Variants in SELENOF observed in about 807,000 individuals in gnomAD.
SELENOF encodes the protein selenoprotein F.
SELENOF carries 16 observed loss-of-function variants against 20.5 expected under a neutral mutation model. The observed-to-expected ratio is 0.78, with a 90% CI of 0.53 to 1.19. The LOEUF (loss-of-function observed/expected upper bound fraction) is 1.19, where lower values mean the gene tolerates loss of function less well. Among genes scored for constraint, SELENOF ranks in the 50% most tolerant of loss-of-function variants. SELENOF has a pLI of 0.00. For synonymous variants in SELENOF, 78 were observed against 74.5 expected (o/e 1.05, Z -0.24); for missense variants, 215 against 194.2 (o/e 1.11, Z -0.64).
chr1:86,868,238 C>A, intron 3 of SELENOF, 136 bp from the exon 4 acceptor site: 1 of 422,244 alleles, frequency 2.4e-6, no homozygotes, highest in Admixed American at 4.3e-5. Context: ...ATTTAAACAT[C>A]TGTGGATAAA....
At chr1:86,890,341 G>A (rs892982784) in intron 2 of SELENOF, among the ~76,000 whole-genome samples, 1 of 152,032 alleles carries the variant, frequency 6.6e-6, no homozygotes, top group Non-Finnish European at 1.5e-5. Context: ...AGCTTTCATT[G>A]CATACATGTA....
chr1:86,908,597 C>T (rs567598488), intron 1 of SELENOF, among the ~76,000 whole-genome samples: 5 of 152,266 alleles, frequency 3.3e-5, no homozygotes, highest in Non-Finnish European at 7.4e-5. Context: ...ACACCATTAT[C>T]GTATGTACCA....
chr1:86,906,539 A>G (rs930298392), intron 1 of SELENOF, among the ~76,000 whole-genome samples: 3 of 152,224 alleles, frequency 2.0e-5, no homozygotes, highest in Non-Finnish European at 2.9e-5. Flanking sequence ...GTCGTAAAAG[A>G]GCAAACAGCC....
chr1:86,880,377 A>G (rs1412556987), intron 3 of SELENOF, among the ~76,000 whole-genome samples: 1 of 151,896 alleles, frequency 6.6e-6, no homozygotes, highest in Non-Finnish European at 1.5e-5. Context: ...CTCGTGATCC[A>G]CCCACCTTGG....
At chr1:86,870,893 A>G (rs1369458311) in intron 3 of SELENOF, among the ~76,000 whole-genome samples, 3 of 152,144 alleles carry the variant, frequency 2.0e-5, no homozygotes, top group Non-Finnish European at 4.4e-5. Flanking sequence ...TGCTGGGATT[A>G]CAGGCGTGAG....
chr1:86,890,118 C>T (rs1256784802), intron 2 of SELENOF, among the ~76,000 whole-genome samples: 2 of 152,168 alleles, frequency 1.3e-5, no homozygotes, highest in Non-Finnish European at 2.9e-5. Context: ...CCCCTGCTTA[C>T]CTAATCATCA....
chr1:86,900,512 G>T (rs1211016447), intron 2 of SELENOF, among the ~76,000 whole-genome samples: 1 of 152,206 alleles, frequency 6.6e-6, no homozygotes, highest in Non-Finnish European at 1.5e-5. Context: ...CAGGCAGGGA[G>T]GTTGCAGTGA....
chr1:86,893,077 C>T (rs903798762), intron 2 of SELENOF, among the ~76,000 whole-genome samples: 23 of 152,108 alleles, frequency 1.5e-4, no homozygotes, highest in Admixed American at 4.6e-4. Flanking sequence ...GGCATCTAAT[C>T]GCCAGTTAAC....
At chr1:86,892,244 A>C (rs1422718763) in intron 2 of SELENOF, among the ~76,000 whole-genome samples, 1 of 151,986 alleles carries the variant, frequency 6.6e-6, no homozygotes, top group Non-Finnish European at 1.5e-5. Context: ...GGCCTATGTT[A>C]TTATTTAGTA....
chr1:86,885,078 A>AT (rs1659178639), intron 2 of SELENOF, among the ~76,000 whole-genome samples: 2 of 152,180 alleles, frequency 1.3e-5, no homozygotes, highest in Non-Finnish European at 2.9e-5. Context: ...TAAAAAGGTG[A>AT]TTTTTATTCA....
chr1:86,897,124 G>A (rs754276354), intron 2 of SELENOF, among the ~76,000 whole-genome samples: 28 of 152,146 alleles, frequency 1.8e-4, no homozygotes, highest in Non-Finnish European at 3.2e-4. Context: ...TGGCCAACAT[G>A]ATGGAACCCT....
At chr1:86,872,434 T>C (rs1658799478) in intron 3 of SELENOF, among the ~76,000 whole-genome samples, 1 of 152,308 alleles carries the variant, frequency 6.6e-6, no homozygotes, top group Non-Finnish European at 1.5e-5. Flanking sequence ...AATTGCACGA[T>C]CTTGGCTCAC....
intron 2 of SELENOF, among the ~76,000 whole-genome samples, chr1:86,890,794 G>A (rs1438158004): frequency 6.6e-6 from 1 of 151,968 alleles, no homozygotes; most frequent in Non-Finnish European, 1.5e-5. Context: ...ACAGGCGTGA[G>A]CCATCATGCC....
intron 2 of SELENOF, among the ~76,000 whole-genome samples, chr1:86,885,075 G>T (rs1659178469): frequency 6.6e-6 from 1 of 152,128 alleles, no homozygotes; most frequent in African/African-American, 2.4e-5. Context: ...ATTTAAAAAG[G>T]TGATTTTTAT....
rs147104086 is a variant in SELENOF, at chr1:86,910,186, C to T, written c.84+3842G>A. ...GAAGTTAAAACTAAAAAATACATTTCGTTAAAGTAGTGTACTTCCCACTAA... is the reference window on the plus strand; with the variant it reads ...GAAGTTAAAACTAAAAAATACATTTTGTTAAAGTAGTGTACTTCCCACTAA... On this transcript the variant is annotated intron_variant, in intron 1 of 4. Coordinates refer to ENST00000331835, the MANE Select transcript of SELENOF (RefSeq NM_004261.5). Among the ~76,000 whole-genome samples, 565 of 152,250 alleles carry T rather than the reference C, an allele frequency of 3.7e-3. 6 individuals are homozygous for T. The highest frequency in any genetic ancestry group is 0.013 in the African/African-American group (529 of 41,540).
At chr1:86,897,273 G>C (rs1362110951) in intron 2 of SELENOF, among the ~76,000 whole-genome samples, 1 of 152,200 alleles carries the variant, frequency 6.6e-6, no homozygotes, top group East Asian at 1.9e-4. Flanking sequence ...GGCAACAAGA[G>C]TGAAACTCCG....
Position 86,862,559 on chromosome 1 carries a change from G to C in SELENOF, c.*915C>G, listed in dbSNP as rs1380875474. The C allele has an allele frequency of 6.6e-6, 1 of 151,564 alleles. No homozygotes were observed. Among genetic ancestry groups the C allele is most frequent in the African/African-American group, 2.4e-5 (1 of 41,240 alleles). 9.4% of individuals were successfully genotyped at this position (151,564 alleles called of 1,614,324 possible). ...GAAAAAACTTTGAAAAATAAAATCAGACAAATATAAAGCACTATTACCAAC... is the reference window on the plus strand; with the variant it reads ...GAAAAAACTTTGAAAAATAAAATCACACAAATATAAAGCACTATTACCAAC... On this transcript the variant is annotated 3_prime_UTR_variant, in exon 5 of 5. Transcript: ENST00000331835.
chr1:86,899,523 G>A (rs1432609560), intron 2 of SELENOF, among the ~76,000 whole-genome samples: 2 of 146,456 alleles, frequency 1.4e-5, no homozygotes, highest in East Asian at 2.0e-4. Flanking sequence ...CCCGGACGGG[G>A]CGGCTGGCCG....
chr1:86,901,830 AT>A (rs1159478427), intron 2 of SELENOF, among the ~76,000 whole-genome samples: 6 of 152,230 alleles, frequency 3.9e-5, no homozygotes, highest in Non-Finnish European at 8.8e-5. Context: ...TTTTACATGC[AT>A]TTGGTTTACA....
Sources: allele counts gnomAD v4.1 joint callset (sites outside exome capture counted in the v4.1 genomes callset), GRCh38; gene constraint gnomAD v4.1.1; transcripts MANE v1.5; gene names NCBI Gene and HGNC (gene_info 2026-07-23, HGNC 2026-07-21).